Variants in ARFGEF1 observed in about 807,000 individuals in gnomAD.
The protein encoded by ARFGEF1 is brefeldin A-inhibited guanine nucleotide-exchange protein 1.
A neutral mutation model predicts 231.0 loss-of-function variants in ARFGEF1; 42 were observed. That is an observed-to-expected ratio of 0.18 (90% confidence interval 0.14 to 0.24). ARFGEF1 has a LOEUF of 0.24. Ranked by LOEUF, ARFGEF1 falls within the 10% of genes least tolerant of loss-of-function variation. The pLI is 1.00. For missense variants in ARFGEF1, 1,345 were observed against 2,192.0 expected, an observed-to-expected ratio of 0.61 and a Z score of 7.72; for synonymous variants, 710 against 732.3, an observed-to-expected ratio of 0.97 and a Z score of 0.49.
intron 33 of ARFGEF1, 50 bp downstream of exon 33, chr8:67,216,540 T>C: frequency 1.4e-6 from 2 of 1,479,678 alleles, no homozygotes; most frequent in Admixed American, 2.2e-5. Context: ...ATAATAAAAT[T>C]ACTCATCACA....
intron 14 of ARFGEF1, among the ~76,000 whole-genome samples, chr8:67,263,955 G>C (rs556251313): frequency 7.2e-5 from 11 of 152,142 alleles, no homozygotes; most frequent in African/African-American, 2.2e-4. Context: ...AGAGGAAGAA[G>C]CCATACTAAA....
Position 67,180,023 on chromosome 8 carries a change from TAAA to T in ARFGEF1, c.561-4454_561-4452del, listed in dbSNP as rs768421527. On this transcript the variant is annotated intron_variant, in intron 5 of 5. Coordinates refer to the ARFGEF1 transcript ENST00000518789. ...CTGTATTCCTTGTTGTACAAGGTAGTAAAAAAAAAAAAAGGAATATTCTTTTTT... is the reference window on the plus strand; with the variant it reads ...CTGTATTCCTTGTTGTACAAGGTAGTAAAAAAAAAAGGAATATTCTTTTTT... 0.045 allele frequency: 21,446 copies of T among 472,380 alleles called. 460 individuals are homozygous for T. The highest frequency in any genetic ancestry group is 0.06 in the Middle Eastern group (115 of 1,928). 29.3% of individuals were successfully genotyped at this position (472,380 alleles called of 1,614,324 possible).
intron 27 of ARFGEF1, 49 bp from the exon 28 acceptor site, chr8:67,226,232 G>C (rs73693150): frequency 0.037 from 52,128 of 1,410,104 alleles, 2,326 homozygotes; most frequent in African/African-American, 0.22. Flanking sequence ...ATTATTCTTA[G>C]CTGTACCAAA....
chr8:67,321,612 C>T (rs1807597915), intron 1 of ARFGEF1, among the ~76,000 whole-genome samples: 1 of 152,134 alleles, frequency 6.6e-6, no homozygotes, highest in East Asian at 1.9e-4. Flanking sequence ...AGGCACCCGC[C>T]ACCACGCCCG....
At chr8:67,189,779 G>T (rs1835703780) in intron 5 of ARFGEF1, among the ~76,000 whole-genome samples, 1 of 152,108 alleles carries the variant, frequency 6.6e-6, no homozygotes, top group Non-Finnish European at 1.5e-5. Flanking sequence ...AATATATATA[G>T]AAATTGGCAA....
intron 6 of ARFGEF1, 94 bp from the exon 7 acceptor site, chr8:67,288,159 G>T: frequency 1.6e-6 from 1 of 634,996 alleles, no homozygotes; most frequent in Non-Finnish European, 2.5e-6. Context: ...AAATCATGAG[G>T]AATAAAAGAA....
At chr8:67,290,338 G>C (rs2128908812) in intron 6 of ARFGEF1, among the ~76,000 whole-genome samples, 1 of 152,014 alleles carries the variant, frequency 6.6e-6, no homozygotes, top group South Asian at 2.1e-4. Flanking sequence ...CACAGCAGAT[G>C]CTCCCATTTC....
chr8:67,174,577 A>G (rs1028025108), downstream of ARFGEF1: 1 of 152,172 alleles, frequency 6.6e-6, no homozygotes, highest in African/African-American at 2.4e-5. Flanking sequence ...CCTGGCCAAC[A>G]TAGTGAAACC....
At position 67,257,713 on chromosome 8, in the gene ARFGEF1, G is replaced by A. The variant is rs184025634; in HGVS notation, c.2526+19C>T. ...ATTTTGTACCGCTTATTGTAAAACT[G>A]ACTTAAAAGAAAACATACCTGTGGA... On this transcript the variant is annotated intron_variant, in intron 17 of 38. Coordinates refer to ENST00000262215, the MANE Select transcript of ARFGEF1 (RefSeq NM_006421.5). The A allele has an allele frequency of 3.8e-5, 58 of 1,544,004 alleles. 1 individual carries two copies. The African/African-American group carries it at 6.0e-4, about 16-fold the overall frequency.
At chr8:67,236,888 C>T (rs897439900) in intron 22 of ARFGEF1, among the ~76,000 whole-genome samples, 1 of 152,120 alleles carries the variant, frequency 6.6e-6, no homozygotes, top group African/African-American at 2.4e-5. Flanking sequence ...TAGCACAGTA[C>T]ATGAATTAAT....
rs763363183 is a variant in ARFGEF1 at position 67,201,581 on chromosome 8, T to C, written c.5153A>G (p.Asn1718Ser). ...GCTGCTGGTCTCCTGCTTCAGAAGGTTGGGCTTGGATTTGCCTTTGAATCC... is the reference window on the plus strand; with the variant it reads ...GCTGCTGGTCTCCTGCTTCAGAAGGCTGGGCTTGGATTTGCCTTTGAATCC... The part of the protein sequence containing the change: ...KAGFKGKSKP[N>S]LLKQETSSLA... The change falls in exon 37 of 39, where the codon AAC (asparagine) becomes AGC (serine). Residue 1718 changes from asparagine to serine, a missense_variant. Coordinates refer to ENST00000262215, the MANE Select transcript of ARFGEF1 (RefSeq NM_006421.5). 1.1e-5 allele frequency: 18 copies of C among 1,613,380 alleles called. No homozygotes were observed. The highest frequency in any genetic ancestry group is 1.4e-5 in the Non-Finnish European group (17 of 1,179,872).
Position 67,287,967 on chromosome 8 carries a change from T to C in ARFGEF1, c.1015A>G (p.Ile339Val). Residue 339 changes from isoleucine to valine, a missense_variant, in exon 7 of 39, where the codon ATT becomes GTT. By Grantham distance (29) the Ile-to-Val change is conservative (BLOSUM62 3). Around this residue, in one of 14 missense-constraint regions of ARFGEF1, gnomAD observed 398 missense variants for 463.2 expected, o/e 0.86. Coordinates refer to ENST00000262215, the MANE Select transcript of ARFGEF1 (RefSeq NM_006421.5). Reference protein sequence around the residue: ...VQNIVEEMVNIVVGDMGEGTT... With the variant: ...VQNIVEEMVNVVVGDMGEGTT... ...TGAAGTATACTACCTCCAACAACAA[T>C]GTTCACCATTTCTTCTACAATGTTC... The C allele has an allele frequency of 6.3e-7, 1 of 1,584,530 alleles. No homozygotes were observed. The highest frequency in any genetic ancestry group is 8.5e-7 in the Non-Finnish European group (1 of 1,170,088).
At position 67,246,170 on chromosome 8, in the gene ARFGEF1, G is replaced by A. The variant is rs892204299; in HGVS notation, c.2850+5129C>T. Among the ~76,000 whole-genome samples, 15 of 150,252 alleles carry A rather than the reference G, an allele frequency of 1.0e-4. 2 individuals carry two copies. Among genetic ancestry groups the A allele is most frequent in the African/African-American group, 3.0e-4 (12 of 40,232 alleles). On this transcript the variant is annotated intron_variant, in intron 19 of 38. Transcript: ENST00000262215. ...ACAGACCCCAATACAGTAACAGCTGGAGACTTCAACACCTCATTTTCCATA... is the reference window on the plus strand; with the variant it reads ...ACAGACCCCAATACAGTAACAGCTGAAGACTTCAACACCTCATTTTCCATA...
At chr8:67,240,040 C>A in intron 20 of ARFGEF1, 122 bp downstream of exon 20, 1 of 1,317,014 alleles carries the variant, frequency 7.6e-7, no homozygotes, top group Non-Finnish European at 1.0e-6. Context: ...CATTTAAATT[C>A]CATCATAAAC....
intron 5 of ARFGEF1, 29 bp from the exon 6 acceptor site, chr8:67,292,152 G>A: frequency 1.3e-6 from 2 of 1,587,666 alleles, no homozygotes; most frequent in Non-Finnish European, 1.7e-6. Context: ...TCCAATATTA[G>A]TAAAATAAGT....
rs1257063541 is a variant in ARFGEF1, at chr8:67,227,301, G to A, written c.3752C>T (p.Thr1251Ile). The change falls in exon 27 of 39, where the codon ACA (threonine) becomes ATA (isoleucine). Residue 1251 changes from threonine (T) to isoleucine (I), a missense_variant. By Grantham distance (89) the Thr-to-Ile change is moderately conservative (BLOSUM62 -1). This residue lies in a region of ARFGEF1 where 142 missense variants were observed against 227.3 expected (regional missense o/e 0.62). Coordinates refer to ENST00000262215, the MANE Select transcript of ARFGEF1 (RefSeq NM_006421.5). ...EHIMKRNRSP[T>I]IRDMVVRCIA... is the part of the protein sequence containing the mutation. ...ACACCGTACAACCATATCTCGAATT[G>A]TTGGAGACCTAAAAATATTAATATA... 1 of 1,610,508 alleles carries A rather than the reference G, an allele frequency of 6.2e-7. No individual in the cohort carries two copies. The highest frequency in any genetic ancestry group is 1.3e-5 in the African/African-American group (1 of 74,760).
chr8:67,320,058 T>TA (rs1329737105), intron 1 of ARFGEF1, among the ~76,000 whole-genome samples: 1 of 151,522 alleles, frequency 6.6e-6, no homozygotes, highest in African/African-American at 2.4e-5. Context: ...CTGTCTCTAC[T>TA]AAAAATACAA....
chr8:67,315,827 T>G (rs1432509172), intron 1 of ARFGEF1, among the ~76,000 whole-genome samples: 2 of 152,008 alleles, frequency 1.3e-5, no homozygotes, highest in East Asian at 1.9e-4. Flanking sequence ...CAGCTAAAAT[T>G]GTATGGGATA....
downstream of ARFGEF1, chr8:67,195,230 G>A (rs969349227): frequency 1.6e-4 from 108 of 687,930 alleles, no homozygotes; most frequent in Middle Eastern, 4.2e-4. Context: ...GGGGTGGGGT[G>A]AGTCTAACCA....
Sources: gnomAD v4.1 joint callset for allele counts (sites outside exome capture counted in the v4.1 genomes callset) on GRCh38, gnomAD v4.1.1 for gene constraint, gnomAD v4.1.1 regional missense constraint, MANE v1.5 for transcripts, NCBI Gene and HGNC (gene_info 2026-07-23, HGNC 2026-07-21) for gene names.